Variants in KCNG2 observed in about 807,000 individuals in gnomAD.
KCNG2 encodes the protein voltage-gated potassium channel regulatory subunit KCNG2.
KCNG2 carries 7 observed loss-of-function variants against 12.3 expected under a neutral mutation model. The ratio of observed to expected loss-of-function variants is 0.57; its 90% CI spans 0.32 to 1.07. The LOEUF is 1.07. Among genes scored for constraint, KCNG2 ranks in the 50% least tolerant of loss-of-function variants. The pLI is 0.04. For missense variants in KCNG2, 703 were observed against 726.0 expected (o/e 0.97, Z 0.36); for synonymous variants, 414 against 351.4 (o/e 1.18, Z -1.99).
intron 3 of KCNG2, among the ~76,000 whole-genome samples, chr18:79,885,721 G>A (rs2123117187): frequency 6.6e-6 from 1 of 152,346 alleles, no homozygotes; most frequent in South Asian, 2.1e-4. Context: ...ACATGGGATG[G>A]GGACACACCG....
At chr18:79,825,694 G>A (rs1032169083) in intron 1 of KCNG2, among the ~76,000 whole-genome samples, 1 of 152,114 alleles carries the variant, frequency 6.6e-6, no homozygotes, top group African/African-American at 2.4e-5. Flanking sequence ...CATTTCATAG[G>A]GCTTCAGTTT....
intron 1 of KCNG2, among the ~76,000 whole-genome samples, chr18:79,838,137 A>C (rs1209085390): frequency 6.6e-6 from 1 of 152,122 alleles, no homozygotes; most frequent in African/African-American, 2.4e-5. Context: ...GCAGGGGGGA[A>C]CTGGCCCATA....
Position 79,847,484 on chromosome 18 carries a change from G to A in KCNG2, c.-114-8895G>A, listed in dbSNP as rs146366427. On this transcript the variant is annotated intron_variant, in intron 1 of 3. Coordinates refer to ENST00000316249, the MANE Select transcript of KCNG2 (RefSeq NM_012283.2). The stretch of plus-strand genomic sequence containing the variant: ...AAACCACGCTAAGCGATCTTTACCC[G>A]GCAGTGCGGACCACGCTCCCTGTGG... 3.9e-4 allele frequency among the ~76,000 whole-genome samples: 59 copies of A among 152,298 alleles called. 1 individual carries two copies. The highest frequency in any genetic ancestry group is 1.1e-3 in the Admixed American group (17 of 15,300).
chr18:79,888,496 ATGAGGCCGCGGTGGGGCCGGGACGGCG>A (rs1179467389), intron 3 of KCNG2, among the ~76,000 whole-genome samples: 10 of 111,136 alleles, frequency 9.0e-5, no homozygotes, highest in African/African-American at 2.5e-4. Context: ...CGTCCTCCTC[ATGAGGCCGCGGTGGGGCCGGGACGGCG>A]GCGTCCTCCT....
intron 1 of KCNG2, among the ~76,000 whole-genome samples, chr18:79,847,611 A>T (rs992419196): frequency 1.4e-4 from 21 of 152,222 alleles, no homozygotes; most frequent in Admixed American, 9.2e-4. Context: ...ATGTACAGAG[A>T]TTCTAATTTT....
chr18:79,842,352 C>G (rs1978486292), intron 1 of KCNG2, among the ~76,000 whole-genome samples: 2 of 152,318 alleles, frequency 1.3e-5, no homozygotes, highest in African/African-American at 4.8e-5. Flanking sequence ...GGTGGGCTGA[C>G]TGATAAAGGG....
chr18:79,805,183 C>G (rs1344618616), intron 1 of KCNG2, among the ~76,000 whole-genome samples: 1 of 152,166 alleles, frequency 6.6e-6, no homozygotes, highest in Non-Finnish European at 1.5e-5. Flanking sequence ...GTTAGAAACA[C>G]TAAGGTCTTA....
chr18:79,855,339 G>A (rs1326432035), intron 1 of KCNG2, among the ~76,000 whole-genome samples: 1 of 152,196 alleles, frequency 6.6e-6, no homozygotes, highest in Non-Finnish European at 1.5e-5. Flanking sequence ...GGTGTTGGCA[G>A]TGTCTCTGGT....
intron 2 of KCNG2, among the ~76,000 whole-genome samples, chr18:79,857,051 G>GC (rs1444656157): frequency 2.0e-4 from 9 of 44,256 alleles, no homozygotes; most frequent in African/African-American, 3.2e-4. Flanking sequence ...CTCTCTGCCT[G>GC]CCCCCCACAG....
intron 1 of KCNG2, among the ~76,000 whole-genome samples, chr18:79,799,448 T>G (rs1461934278): frequency 6.6e-6 from 1 of 152,198 alleles, no homozygotes; most frequent in Non-Finnish European, 1.5e-5. Context: ...CCGGGCTTTC[T>G]TAGGGAATTT....
chr18:79,828,062 T>C (rs1260588709), intron 1 of KCNG2, among the ~76,000 whole-genome samples: 1 of 152,076 alleles, frequency 6.6e-6, no homozygotes, highest in African/African-American at 2.4e-5. Context: ...TAGCTCGGAT[T>C]ACAGGCACGC....
At chr18:79,854,681 A>G (rs1027822355) in intron 1 of KCNG2, among the ~76,000 whole-genome samples, 13 of 151,992 alleles carry the variant, frequency 8.6e-5, no homozygotes, top group Non-Finnish European at 1.6e-4. Context: ...GCCCACCACC[A>G]CGCCCGGCTA....
intron 1 of KCNG2, among the ~76,000 whole-genome samples, chr18:79,848,766 C>A (rs982008292): frequency 6.6e-6 from 1 of 152,126 alleles, no homozygotes; most frequent in African/African-American, 2.4e-5. Flanking sequence ...GTCGCCATGC[C>A]TGCCCCCGGG....
chr18:79,879,102 T>C (rs1162774045), intron 3 of KCNG2, among the ~76,000 whole-genome samples: 1 of 152,186 alleles, frequency 6.6e-6, no homozygotes, highest in African/African-American at 2.4e-5. Flanking sequence ...GCAGGAGTCA[T>C]TGAGGGAGAA....
In KCNG2 at chr18:79,864,202, T is replaced by C. The variant is rs1322184778; in HGVS notation, c.535T>C (p.Phe179Leu). The change falls in exon 3 of 4, where the codon TTC (phenylalanine) becomes CTC (leucine). Residue 179 changes from phenylalanine to leucine, a missense_variant. Transcript: ENST00000316249. ...NPHSGLAGKL[F>L]ACVSVSFVAV... ...GCACTCGGGGCTGGCGGGCAAGCTCTTCGCCTGCGTGTCCGTGTCCTTCGT... is the reference window on the plus strand; with the variant it reads ...GCACTCGGGGCTGGCGGGCAAGCTCCTCGCCTGCGTGTCCGTGTCCTTCGT... 6.5e-7 allele frequency: 1 copy of C among 1,540,262 alleles called. No homozygotes were observed. The highest frequency in any genetic ancestry group is 8.7e-7 in the Non-Finnish European group (1 of 1,147,778).
rs767412073 is a variant in KCNG2, at chr18:79,863,682, C to T, written c.15C>T (p.Pro5=). Residue 5 remains proline (P), a synonymous_variant, in exon 3 of 4, where the codon CCC becomes CCT. Transcript: ENST00000316249. MEPW[P]CSPGGGGGTR... is the part of the protein sequence containing the mutation. The stretch of plus-strand genomic sequence containing the variant: ...CGGCCCTGCGCATGGAGCCATGGCC[C>T]TGCTCCCCGGGCGGCGGCGGCGGGA... 25 of 1,193,216 alleles carry T rather than the reference C, an allele frequency of 2.1e-5. No individual in the cohort carries two copies. The African/African-American group carries it at 3.5e-4, about 17-fold the overall frequency. 73.9% of individuals were successfully genotyped at this position (1,193,216 alleles called of 1,614,324 possible).
Position 79,899,111 on chromosome 18 carries a change from G to A in KCNG2, c.696G>A (p.Glu232=). The change falls in exon 4 of 4, where the codon GAG becomes GAA. Residue 232 remains glutamate, a synonymous_variant. Coordinates refer to ENST00000316249, the MANE Select transcript of KCNG2 (RefSeq NM_012283.2). ...ETVCVAWFSF[E]FLLRSLQAES... is the part of the protein sequence containing the mutation. ...TGTGCGTGGCCTGGTTCTCCTTCGAGTTCCTGCTGCGCTCCCTGCAGGCCG... is the reference window on the plus strand; with the variant it reads ...TGTGCGTGGCCTGGTTCTCCTTCGAATTCCTGCTGCGCTCCCTGCAGGCCG... 10 of 1,605,700 alleles carry A rather than the reference G, an allele frequency of 6.2e-6. No homozygotes were observed. Among genetic ancestry groups the A allele is most frequent in the South Asian group, 1.1e-5 (1 of 90,454 alleles).
chr18:79,807,767 T>A (rs1446219126), intron 1 of KCNG2, among the ~76,000 whole-genome samples: 4 of 149,428 alleles, frequency 2.7e-5, no homozygotes, highest in Non-Finnish European at 5.9e-5. Context: ...GTCCTCGCCC[T>A]GAGGAGCTGC....
chr18:79,898,409 CAGCCTCCCACCCACGAG>C (rs1233124518), intron 3 of KCNG2, among the ~76,000 whole-genome samples: 2 of 152,230 alleles, frequency 1.3e-5, no homozygotes, highest in Admixed American at 1.3e-4. Context: ...CACCCAAGGC[CAGCCTCCCACCCACGAG>C]AGTGGGGACT....
Sources: allele counts gnomAD v4.1 joint callset (sites outside exome capture counted in the v4.1 genomes callset), GRCh38; gene constraint gnomAD v4.1.1; transcripts MANE v1.5; gene names NCBI Gene and HGNC (gene_info 2026-07-23, HGNC 2026-07-21).